ARB2A: variants seen among roughly 807,000 people sequenced by gnomAD.
ARB2A encodes cotranscriptional regulator ARB2A.
chr5:93,968,559 T>C, the ARB2A span, among the ~76,000 whole-genome samples: 52 of 151,998 alleles, frequency 3.4e-4, no homozygotes, highest in African/African-American at 1.1e-3. Context: ...TACAGAATAT[T>C]AGAGAACTGT....
At chr5:94,005,063 A>C in the ARB2A span, among the ~76,000 whole-genome samples, 2 of 129,982 alleles carry the variant, frequency 1.5e-5, no homozygotes, top group African/African-American at 5.6e-5. Context: ...AAAAAAAAAA[A>C]GTGGCACAAA....
At chr5:93,941,329 T>G in the ARB2A span, among the ~76,000 whole-genome samples, 1 of 151,158 alleles carries the variant, frequency 6.6e-6, no homozygotes, top group African/African-American at 2.4e-5. Flanking sequence ...GATCGACATT[T>G]AAAGCAAAAT....
At chr5:94,022,831 CTT>C in the ARB2A span, among the ~76,000 whole-genome samples, 1 of 152,186 alleles carries the variant, frequency 6.6e-6, no homozygotes, top group Non-Finnish European at 1.5e-5. Context: ...GAAGCACTGG[CTT>C]GTAGGCCTTC....
chr5:93,742,150 C>T, the ARB2A span, among the ~76,000 whole-genome samples: 1 of 152,042 alleles, frequency 6.6e-6, no homozygotes, highest in Non-Finnish European at 1.5e-5. Flanking sequence ...CAGATTCTAC[C>T]CCCGACCCCA....
the ARB2A span, among the ~76,000 whole-genome samples, chr5:93,621,399 C>T: frequency 0.027 from 4,166 of 152,286 alleles, 178 homozygotes; most frequent in African/African-American, 0.095. Context: ...CTTCGCTATC[C>T]GCGGCGTCTA....
the ARB2A span, among the ~76,000 whole-genome samples, chr5:94,022,379 G>A: frequency 1.3e-5 from 2 of 152,128 alleles, no homozygotes; most frequent in African/African-American, 4.8e-5. Context: ...AACATGAACA[G>A]TCCAATCTAC....
chr5:94,030,451 C>T, the ARB2A span, among the ~76,000 whole-genome samples: 1 of 152,224 alleles, frequency 6.6e-6, no homozygotes, highest in Non-Finnish European at 1.5e-5. Context: ...CTTCCAGAGG[C>T]CTCTTTCTGA....
the ARB2A span, among the ~76,000 whole-genome samples, chr5:93,992,730 C>T: frequency 6.6e-6 from 1 of 151,946 alleles, no homozygotes; most frequent in Non-Finnish European, 1.5e-5. Flanking sequence ...TAGATTCTTA[C>T]TTAGATAAAA....
At chr5:93,713,029 A>G in the ARB2A span, among the ~76,000 whole-genome samples, 1 of 152,200 alleles carries the variant, frequency 6.6e-6, no homozygotes, top group African/African-American at 2.4e-5. Flanking sequence ...CTAGACCCCT[A>G]TCTGTCACCA....
the ARB2A span, among the ~76,000 whole-genome samples, chr5:93,854,983 G>A: frequency 1.3e-5 from 2 of 152,156 alleles, no homozygotes; most frequent in Non-Finnish European, 2.9e-5. Context: ...TCTGCATGAT[G>A]CAGAGCTGAG....
chr5:94,055,572 A>C, the ARB2A span: 2 of 945,102 alleles, frequency 2.1e-6, no homozygotes, highest in African/African-American at 3.5e-5. Context: ...AAAAGTTTGT[A>C]CACTCTAGTA....
the ARB2A span, among the ~76,000 whole-genome samples, chr5:93,947,763 A>G: frequency 1.5e-4 from 21 of 144,344 alleles, no homozygotes; most frequent in East Asian, 6.3e-4. Context: ...GAGAATATGC[A>G]GTGTTTGGTT....
the ARB2A span, among the ~76,000 whole-genome samples, chr5:94,062,118 T>G: frequency 6.6e-6 from 1 of 152,136 alleles, no homozygotes; most frequent in African/African-American, 2.4e-5. Flanking sequence ...ACTGTCCAAA[T>G]ATGCCCAATT....
At chr5:93,991,564 T>A in the ARB2A span, among the ~76,000 whole-genome samples, 7 of 148,840 alleles carry the variant, frequency 4.7e-5, no homozygotes, top group Non-Finnish European at 1.0e-4. Flanking sequence ...AAAAGCATAA[T>A]GAGAAAAGAA....
chr5:94,068,186 G>A, the ARB2A span, among the ~76,000 whole-genome samples: 10 of 152,156 alleles, frequency 6.6e-5, no homozygotes, highest in Non-Finnish European at 8.8e-5. Flanking sequence ...TGGGCCATGC[G>A]GTGAGTGTTA....
the ARB2A span, among the ~76,000 whole-genome samples, chr5:94,007,195 T>C: frequency 6.6e-6 from 1 of 152,136 alleles, no homozygotes; most frequent in African/African-American, 2.4e-5. Context: ...TTGTAACATA[T>C]CACAAGGAAC....
chr5:93,738,859 T>A, the ARB2A span: 1 of 152,238 alleles, frequency 6.6e-6, no homozygotes, highest in South Asian at 2.1e-4. Flanking sequence ...TGGAAATGGA[T>A]AGTGGTGATG....
chr5:93,751,763 G>T, the ARB2A span, among the ~76,000 whole-genome samples: 1 of 152,162 alleles, frequency 6.6e-6, no homozygotes, highest in Non-Finnish European at 1.5e-5. Flanking sequence ...TATGTTTTGG[G>T]AATATTTTGG....
chr5:93,859,117 G>A, the ARB2A span, among the ~76,000 whole-genome samples: 3 of 152,110 alleles, frequency 2.0e-5, no homozygotes, highest in Non-Finnish European at 2.9e-5. Flanking sequence ...TTCAATCTGT[G>A]TTAAAGGTGG....
Sources: allele counts gnomAD v4.1 joint callset (sites outside exome capture counted in the v4.1 genomes callset), GRCh38; gene constraint gnomAD v4.1.1; transcripts MANE v1.5; gene names NCBI Gene and HGNC (gene_info 2026-07-23, HGNC 2026-07-21).